Variants in UBE2Q1 observed in about 807,000 individuals in gnomAD.
UBE2Q1 encodes ubiquitin-conjugating enzyme E2 Q1.
UBE2Q1 carries 6 observed loss-of-function variants against 60.1 expected under a neutral mutation model. That is an observed-to-expected ratio of 0.10 (90% CI 0.05 to 0.20). The LOEUF (loss-of-function observed/expected upper bound fraction) is 0.20, where lower values mean the gene tolerates loss of function less well. UBE2Q1 is among the 10% of genes least tolerant of loss of function. The pLI, the probability that UBE2Q1 is intolerant of heterozygous loss-of-function variation, is 1.00. For synonymous variants in UBE2Q1, 226 were observed against 208.3 expected (o/e 1.09, Z -0.73); for missense variants, 262 against 525.8 (o/e 0.50, Z 4.91).
intron 4 of UBE2Q1, among the ~76,000 whole-genome samples, chr1:154,553,449 T>C (rs1207395578): frequency 6.6e-6 from 1 of 152,194 alleles, no homozygotes. Context: ...TTAGCCCTCT[T>C]GTTTCCTGGA....
chr1:154,550,147 C>T lies in UBE2Q1; in HGVS notation c.*291G>A. On this transcript the variant is annotated 3_prime_UTR_variant, in exon 13 of 13. Transcript: ENST00000292211. The stretch of plus-strand genomic sequence containing the variant: ...CTAGTCTGGAGCACAGCTGAGTTTC[C>T]AGCAATATAAGGAGGCTCGAAAGTT... 1 of 402,412 alleles carries T rather than the reference C, an allele frequency of 2.5e-6. No individual in the cohort carries two copies. The highest frequency in any genetic ancestry group is 4.0e-5 in the East Asian group (1 of 24,984). The allele number at this position is 402,412 out of a possible 1,614,324, so 24.9% of individuals were successfully genotyped here.
At position 154,550,407 on chromosome 1, in the gene UBE2Q1, C is replaced by G. The variant is rs535050749; in HGVS notation, c.*31G>C. The G allele has an allele frequency of 6.2e-7, 1 of 1,613,832 alleles. No individual in the cohort carries two copies. Among genetic ancestry groups the G allele is most frequent in the Admixed American group, 1.7e-5 (1 of 59,998 alleles). ...TCAAAGGTAATTGGTCCAGTGGTGC[C>G]TGGGGAGGGAGGAAGGGTGATACTC... is the stretch of plus-strand genomic sequence containing the variant. On this transcript the variant is annotated 3_prime_UTR_variant, in exon 13 of 13. Transcript: ENST00000292211.
chr1:154,553,409 C>G (rs1359605634), intron 4 of UBE2Q1, among the ~76,000 whole-genome samples: 4 of 152,228 alleles, frequency 2.6e-5, no homozygotes, highest in Non-Finnish European at 5.9e-5. Flanking sequence ...CGGAAACGAG[C>G]AGAGCTGCAG....
At position 154,554,771 on chromosome 1, in the gene UBE2Q1, G is replaced by C. The variant is rs372396696; in HGVS notation, c.552C>G (p.Asp184Glu). ...CCTCATCTTCATCTTCTGAAGACAC[G>C]TCTTCCTGTGTGCACTGCAGCAAGG... Reference protein sequence around the residue: ...PLPAEQCTQEDVSSEDEDEEM... With the variant: ...PLPAEQCTQEEVSSEDEDEEM... The change falls in exon 4 of 13, where the codon GAC becomes GAG. Residue 184 changes from aspartate (D) to glutamate (E), a missense_variant. By Grantham distance (45) the Asp-to-Glu change is conservative. Transcript: ENST00000292211. 1.2e-6 allele frequency: 2 copies of C among 1,613,412 alleles called. No individual in the cohort carries two copies. The highest frequency in any genetic ancestry group is 1.7e-6 in the Non-Finnish European group (2 of 1,179,504).
chr1:154,550,600 G>C (rs1388041586), intron 12 of UBE2Q1, 131 bp from the exon 13 acceptor site: 9 of 1,527,816 alleles, frequency 5.9e-6, no homozygotes, highest in Non-Finnish European at 7.9e-6. Flanking sequence ...TGTGGGGAGA[G>C]GTGTATGGGA....
chr1:154,555,288 C>T (rs1364121777), intron 3 of UBE2Q1, 140 bp downstream of exon 3: 17 of 713,804 alleles, frequency 2.4e-5, no homozygotes, highest in African/African-American at 8.8e-5. Context: ...TGGAGAAGAA[C>T]GAGGGTGAGA....
At chr1:154,550,600 G>A (rs1388041586) in intron 12 of UBE2Q1, 131 bp from the exon 13 acceptor site, 4 of 1,527,698 alleles carry the variant, frequency 2.6e-6, no homozygotes, top group East Asian at 2.3e-5. Flanking sequence ...TGTGGGGAGA[G>A]GTGTATGGGA....
intron 1 of UBE2Q1, 113 bp downstream of exon 1, chr1:154,558,114 G>C: frequency 3.7e-6 from 3 of 801,282 alleles, no homozygotes; most frequent in Non-Finnish European, 5.7e-6. Context: ...AAAGAACTGA[G>C]CCCTGAGAGG....
At chr1:154,550,558 G>T in intron 12 of UBE2Q1, 89 bp from the exon 13 acceptor site, 1 of 1,594,984 alleles carries the variant, frequency 6.3e-7, no homozygotes, top group South Asian at 1.1e-5. Flanking sequence ...TCCAGTGGCA[G>T]AGATAAGAGG....
chr1:154,551,371 A>T (rs775089091), intron 11 of UBE2Q1, 26 bp downstream of exon 11: 1 of 1,611,668 alleles, frequency 6.2e-7, no homozygotes, highest in Admixed American at 1.7e-5. Flanking sequence ...ACCCAGCCCC[A>T]CCAGCCCCAG....
chr1:154,554,388 G>A (rs1288899470), intron 4 of UBE2Q1, among the ~76,000 whole-genome samples: 5 of 152,144 alleles, frequency 3.3e-5, no homozygotes, highest in Non-Finnish European at 7.4e-5. Flanking sequence ...TATGCAGTAG[G>A]TATTATAATC....
chr1:154,550,313 C>T lies in UBE2Q1; in HGVS notation c.*125G>A. On this transcript the variant is annotated 3_prime_UTR_variant, in exon 13 of 13. Transcript: ENST00000292211. ...ATAGCCATCATTGTCCTGCAATAGGCAGAGCTATCACGTCCAGGAAAAATG... is the reference window on the plus strand; with the variant it reads ...ATAGCCATCATTGTCCTGCAATAGGTAGAGCTATCACGTCCAGGAAAAATG... 7.9e-7 allele frequency: 1 copy of T among 1,260,724 alleles called. No individual in the cohort carries two copies. The highest frequency in any genetic ancestry group is 1.8e-5 in the Admixed American group (1 of 54,900). The allele number at this position is 1,260,724 out of a possible 1,614,324, so 78.1% of individuals were successfully genotyped here. A position where few individuals can be genotyped will look rare whatever the true frequency, so the allele number is the denominator to read the frequency against.
chr1:154,554,978 C>A (rs1000724698), intron 3 of UBE2Q1, 193 bp from the exon 4 acceptor site: 1 of 585,504 alleles, frequency 1.7e-6, no homozygotes, highest in Non-Finnish European at 3.0e-6. Flanking sequence ...CATTATTTTT[C>A]GCCTATCACT....
At chr1:154,551,369 C>G in intron 11 of UBE2Q1, 28 bp downstream of exon 11, 1 of 1,611,116 alleles carries the variant, frequency 6.2e-7, no homozygotes, top group Non-Finnish European at 8.5e-7. Context: ...CCACCCAGCC[C>G]CACCAGCCCC....
At chr1:154,552,072 A>T (rs1181074866) in intron 8 of UBE2Q1, 21 bp downstream of exon 8, 2 of 1,614,044 alleles carry the variant, frequency 1.2e-6, no homozygotes, top group Middle Eastern at 1.6e-4. Context: ...AGAGGGAGAG[A>T]CTGGAAAAGA....
chr1:154,552,583 G>T, intron 6 of UBE2Q1, 119 bp from the exon 7 acceptor site: 1 of 1,447,584 alleles, frequency 6.9e-7, no homozygotes, highest in Non-Finnish European at 9.5e-7. Flanking sequence ...CACCACAGAT[G>T]GACATGCAAC....
At chr1:154,555,114 C>T (rs1480136447) in intron 3 of UBE2Q1, 1 of 544,390 alleles carries the variant, frequency 1.8e-6, no homozygotes, top group African/African-American at 1.9e-5. Flanking sequence ...TCTTGGTTCT[C>T]ACCAAGGGGC....
Position 154,555,899 on chromosome 1 carries a change from G to A in UBE2Q1, c.393C>T (p.Val131=), listed in dbSNP as rs747817479. Residue 131 remains valine (V), a synonymous_variant, in exon 2 of 13, where the codon GTC becomes GTT. Coordinates refer to ENST00000292211, the MANE Select transcript of UBE2Q1 (RefSeq NM_017582.7). ...TCTTTATGTCCACCAGCCTCTCCAA[G>A]ACAGCAGCCAAGTTAGGGTCATCAG... The part of the protein sequence containing the change: ...VESDDPNLAA[V]LERLVDIKKG... 3.7e-6 allele frequency: 6 copies of A among 1,613,940 alleles called. No homozygotes were observed. The highest frequency in any genetic ancestry group is 4.2e-6 in the Non-Finnish European group (5 of 1,180,018).
chr1:154,556,606 T>G (rs1231656321), intron 1 of UBE2Q1, among the ~76,000 whole-genome samples: 1 of 152,220 alleles, frequency 6.6e-6, no homozygotes, highest in Non-Finnish European at 1.5e-5. Flanking sequence ...CATGGCAGGC[T>G]GGGAGAAAGA....
Sources: allele counts gnomAD v4.1 joint callset (sites outside exome capture counted in the v4.1 genomes callset), GRCh38; gene constraint gnomAD v4.1.1; transcripts MANE v1.5; gene names NCBI Gene and HGNC (gene_info 2026-07-23, HGNC 2026-07-21).